The following SUGP1 variants were observed in gnomAD, a reference collection of about 807,000 sequenced individuals.
The protein encoded by SUGP1 is SURP and G-patch domain-containing protein 1.
In SUGP1, 34 loss-of-function variants were observed where a neutral mutation model predicts 76.5. That is an observed-to-expected ratio of 0.44 (90% CI 0.34 to 0.59). The LOEUF (loss-of-function observed/expected upper bound fraction) is 0.59, where lower values mean the gene tolerates loss of function less well. SUGP1 is among the 20% of genes least tolerant of loss of function. The probability of loss-of-function intolerance (pLI) is 0.01; values close to 1 mark genes in which losing one functional copy is unlikely to be tolerated. For missense variants in SUGP1, 752 were observed against 851.7 expected, an observed-to-expected ratio of 0.88 and a Z score of 1.46; for synonymous variants, 326 against 326.2, an observed-to-expected ratio of 1.00 and a Z score of 0.01.
At chr19:19,310,930 A>T (rs1243248929) in intron 2 of SUGP1, among the ~76,000 whole-genome samples, 4 of 152,140 alleles carry the variant, frequency 2.6e-5, no homozygotes, top group African/African-American at 9.7e-5. Context: ...GGTGTGAGCC[A>T]CCACACCTGA....
chr19:19,288,197 C>T (rs1468338395), intron 8 of SUGP1, among the ~76,000 whole-genome samples: 1 of 151,794 alleles, frequency 6.6e-6, no homozygotes, highest in Non-Finnish European at 1.5e-5. Flanking sequence ...CTGTTTGGAC[C>T]CTCTGTCATC....
chr19:19,317,808 C>CT (rs781257871), intron 1 of SUGP1, among the ~76,000 whole-genome samples: 10,895 of 110,574 alleles, frequency 0.099, 1,120 homozygotes, highest in African/African-American at 0.18. Flanking sequence ...GCCCCAGTGG[C>CT]TTTTTTTTTT....
chr19:19,277,249 GGC>G (rs1568615836), intron 12 of SUGP1, among the ~76,000 whole-genome samples, 173 bp from the exon 13 acceptor site: 1 of 139,966 alleles, frequency 7.1e-6, no homozygotes, highest in African/African-American at 2.8e-5. Context: ...CCCCGGGGCG[GGC>G]GGGGGGGGGG....
intron 3 of SUGP1, among the ~76,000 whole-genome samples, chr19:19,307,263 C>T (rs2061324165): frequency 6.6e-6 from 1 of 151,936 alleles, no homozygotes; most frequent in African/African-American, 2.4e-5. Context: ...CTAGGCTGTC[C>T]AGGCTGGTCT....
rs1289801052 is a variant in SUGP1, at chr19:19,294,490, C to T, written c.1243+2499G>A. On this transcript the variant is annotated intron_variant, in intron 8 of 13. Transcript: ENST00000247001. ...CAGTGAGTAGCCACTGCACTCCAGCCTGGGTGACAGAGTGAGACTCAAAAA... is the reference window on the plus strand; with the variant it reads ...CAGTGAGTAGCCACTGCACTCCAGCTTGGGTGACAGAGTGAGACTCAAAAA... Among the ~76,000 whole-genome samples the T allele has an allele frequency of 5.3e-5, 7 of 131,340 alleles. No homozygotes were observed. The Admixed American group carries it at 6.1e-4, about 11-fold the overall frequency. The allele number at this position is 131,340 out of a possible 152,430, so 86.2% of individuals were successfully genotyped here.
chr19:19,316,919 C>T (rs941785432), intron 1 of SUGP1, among the ~76,000 whole-genome samples: 2 of 152,140 alleles, frequency 1.3e-5, no homozygotes, highest in African/African-American at 4.8e-5. Context: ...AGGCGGATCA[C>T]TTGAGGTCAG....
intron 8 of SUGP1, among the ~76,000 whole-genome samples, chr19:19,291,934 A>ACAC (rs1555788756): frequency 0.017 from 1,679 of 97,786 alleles, 21 homozygotes; most frequent in South Asian, 0.043. Flanking sequence ...CACACACACA[A>ACAC]AAGGGCCAAG....
intron 7 of SUGP1, 55 bp from the exon 8 acceptor site, chr19:19,297,399 G>C: frequency 8.4e-7 from 1 of 1,190,574 alleles, no homozygotes; most frequent in Non-Finnish European, 1.1e-6. Flanking sequence ...CCCTGTCCCT[G>C]ATTCTGGGCA....
At chr19:19,278,871 A>C (rs2061074648) in intron 10 of SUGP1, 75 bp from the exon 11 acceptor site, 1 of 1,479,240 alleles carries the variant, frequency 6.8e-7, no homozygotes, top group Non-Finnish European at 9.3e-7. Context: ...CTCCCAGGGC[A>C]CAGGTATGAG....
intron 1 of SUGP1, among the ~76,000 whole-genome samples, chr19:19,317,276 G>GA (rs562827626): frequency 5.9e-5 from 9 of 152,172 alleles, no homozygotes; most frequent in Non-Finnish European, 1.0e-4. Context: ...ATTTAAACCA[G>GA]AAAAAACAAA....
In SUGP1 at chr19:19,314,214, C is replaced by G. The variant is rs986888444; in HGVS notation, c.206+2208G>C. On this transcript the variant is annotated intron_variant, in intron 2 of 13. Coordinates refer to ENST00000247001, the MANE Select transcript of SUGP1 (RefSeq NM_172231.4). The stretch of plus-strand genomic sequence containing the variant: ...TGGCGCACACTGGTAATCCCAGCTA[C>G]TCGAGAGGCTGAGCAGGAGAATCTC... Among the ~76,000 whole-genome samples the G allele has an allele frequency of 5.9e-5, 9 of 151,992 alleles. No homozygotes were observed. The South Asian group carries it at 1.7e-3, about 28-fold the overall frequency.
intron 12 of SUGP1, 89 bp from the exon 13 acceptor site, chr19:19,277,165 C>A: frequency 7.6e-7 from 1 of 1,311,576 alleles, no homozygotes; most frequent in South Asian, 1.2e-5. Flanking sequence ...CAGCACCTCC[C>A]GCGGGTGCAG....
At chr19:19,303,668 G>A (rs986897290) in intron 5 of SUGP1, 56 bp downstream of exon 5, 25 of 1,601,270 alleles carry the variant, frequency 1.6e-5, no homozygotes, top group Admixed American at 1.0e-4. Context: ...CCACACGTGC[G>A]ACTGTGCAGC....
chr19:19,281,998 G>A (rs550555060), intron 8 of SUGP1, among the ~76,000 whole-genome samples: 2 of 152,104 alleles, frequency 1.3e-5, no homozygotes, highest in East Asian at 1.9e-4. Flanking sequence ...CATTTTTCCC[G>A]AGATGGAGTC....
chr19:19,301,659 G>T, intron 7 of SUGP1: 1 of 152,662 alleles, frequency 6.6e-6, no homozygotes, highest in Non-Finnish European at 1.5e-5. Flanking sequence ...CCGCCTCCCC[G>T]GGCACAGAGC....
At chr19:19,303,927 G>A (rs1458015542) in intron 4 of SUGP1, 80 bp from the exon 5 acceptor site, 5 of 1,605,212 alleles carry the variant, frequency 3.1e-6, no homozygotes, top group East Asian at 2.2e-5. Context: ...GGACCACAAC[G>A]ACAGAGGGGG....
At chr19:19,282,921 C>A (rs1244688275) in intron 8 of SUGP1, among the ~76,000 whole-genome samples, 7 of 151,964 alleles carry the variant, frequency 4.6e-5, no homozygotes. Flanking sequence ...ACTAAAAATA[C>A]AAAAAATTAG....
At chr19:19,314,804 A>AG (rs1363160486) in intron 2 of SUGP1, among the ~76,000 whole-genome samples, 1 of 152,134 alleles carries the variant, frequency 6.6e-6, no homozygotes, top group African/African-American at 2.4e-5. Flanking sequence ...GGAGACTGAG[A>AG]GGGGCGGATC....
intron 2 of SUGP1, 170 bp downstream of exon 2, chr19:19,316,252 A>G (rs1414680775): frequency 3.7e-6 from 3 of 812,464 alleles, no homozygotes; most frequent in Non-Finnish European, 5.6e-6. Flanking sequence ...CATACCCCTC[A>G]TTTCTCTCTT....
Sources: allele counts gnomAD v4.1 joint callset (sites outside exome capture counted in the v4.1 genomes callset), GRCh38; gene constraint gnomAD v4.1.1; transcripts MANE v1.5; gene names NCBI Gene and HGNC (gene_info 2026-07-23, HGNC 2026-07-21).